Variants in KAZN observed in about 807,000 individuals in gnomAD.
KAZN encodes the protein kazrin.
KAZN carries 40 observed loss-of-function variants against 87.4 expected under a neutral mutation model. That is an observed-to-expected ratio of 0.46 (90% CI 0.36 to 0.60). KAZN has a LOEUF of 0.60. Among genes scored for constraint, KAZN ranks in the 20% least tolerant of loss-of-function variants. The probability of loss-of-function intolerance (pLI) is 0.00; values close to 1 mark genes in which losing one functional copy is unlikely to be tolerated. For synonymous variants in KAZN, 466 were observed against 458.3 expected, an observed-to-expected ratio of 1.02 and a Z score of -0.22; for missense variants, 898 against 1,073.9, an observed-to-expected ratio of 0.84 and a Z score of 2.29.
At chr1:14,744,958 C>T (rs1644219708) in intron 1 of KAZN, among the ~76,000 whole-genome samples, 1 of 152,132 alleles carries the variant, frequency 6.6e-6, no homozygotes, top group African/African-American at 2.4e-5. Flanking sequence ...GATCCTGCAG[C>T]TGACCCAGAA....
intron 1 of KAZN, among the ~76,000 whole-genome samples, chr1:14,049,213 G>A (rs1642204295): frequency 1.3e-5 from 2 of 151,924 alleles, no homozygotes; most frequent in South Asian, 4.1e-4. Flanking sequence ...ACTATTGCAA[G>A]GACAAAAAAA....
At chr1:14,022,121 T>A (rs1444811556) in intron 1 of KAZN, among the ~76,000 whole-genome samples, 1 of 151,962 alleles carries the variant, frequency 6.6e-6, no homozygotes, top group Non-Finnish European at 1.5e-5. Flanking sequence ...TGAGGGTAGG[T>A]GAGGACTGAA....
chr1:14,889,035 C>T (rs1293895267), intron 1 of KAZN, among the ~76,000 whole-genome samples: 5 of 152,182 alleles, frequency 3.3e-5, no homozygotes, highest in African/African-American at 9.7e-5. Flanking sequence ...AAAAACATCT[C>T]ATAGTGTTTT....
chr1:14,060,085 C>T (rs1026106175), intron 1 of KAZN, among the ~76,000 whole-genome samples: 1 of 151,274 alleles, frequency 6.6e-6, no homozygotes, highest in South Asian at 2.1e-4. Context: ...AAGAATGAGC[C>T]TGGGGGCAGT....
chr1:14,620,707 C>G (rs1678629158), intron 1 of KAZN, among the ~76,000 whole-genome samples: 2 of 152,210 alleles, frequency 1.3e-5, no homozygotes, highest in Admixed American at 6.5e-5. Context: ...ATGAGCTCAA[C>G]TCCGAGCCCT....
At chr1:14,046,310 A>G (rs554706394) in intron 1 of KAZN, among the ~76,000 whole-genome samples, 1 of 152,342 alleles carries the variant, frequency 6.6e-6, no homozygotes, top group East Asian at 1.9e-4. Context: ...AATAGGAAAA[A>G]TACATCTGAA....
chr1:14,293,389 C>A (rs1335767405), intron 2 of KAZN, among the ~76,000 whole-genome samples: 1 of 152,162 alleles, frequency 6.6e-6, no homozygotes, highest in Non-Finnish European at 1.5e-5. Flanking sequence ...TGCTTTCTTC[C>A]TCTTCTTCTT....
chr1:14,673,696 G>A (rs1267497824), intron 1 of KAZN, among the ~76,000 whole-genome samples: 1 of 152,184 alleles, frequency 6.6e-6, no homozygotes, highest in South Asian at 2.1e-4. Flanking sequence ...GACTTTGACA[G>A]AAACTTACCA....
chr1:14,631,978 A>G (rs879466037), intron 1 of KAZN, among the ~76,000 whole-genome samples: 1 of 152,242 alleles, frequency 6.6e-6, no homozygotes, highest in Non-Finnish European at 1.5e-5. Context: ...AGTTTGGAGA[A>G]GACAAAATGA....
chr1:14,916,009 C>T (rs545105507), intron 1 of KAZN, among the ~76,000 whole-genome samples: 2 of 152,246 alleles, frequency 1.3e-5, no homozygotes, highest in African/African-American at 2.4e-5. Context: ...TCTGTTTCCT[C>T]ATCTGTAAAG....
chr1:14,543,500 C>A (rs1433051479), intron 2 of KAZN, among the ~76,000 whole-genome samples: 1 of 152,200 alleles, frequency 6.6e-6, no homozygotes, highest in Non-Finnish European at 1.5e-5. Context: ...CTGTCCATCC[C>A]ATGCATTGAG....
rs77614621 is a variant in KAZN at position 14,921,498 on chromosome 1, G to A, written c.227-39186G>A. On this transcript the variant is annotated intron_variant, in intron 1 of 14. Coordinates refer to ENST00000376030, the MANE Select transcript of KAZN (RefSeq NM_201628.3). ...CATGTAAAAATCCATATTCCTAGTA[G>A]TTCTAAACAAACAAAAAAAAGTAGA... 7.2e-3 allele frequency among the ~76,000 whole-genome samples: 1,100 copies of A among 152,188 alleles called. 19 individuals are homozygous for A. The highest frequency in any genetic ancestry group is 0.025 in the African/African-American group (1,046 of 41,514).
intron 2 of KAZN, among the ~76,000 whole-genome samples, chr1:14,313,866 T>A (rs965342359): frequency 1.3e-5 from 2 of 152,140 alleles, no homozygotes; most frequent in Non-Finnish European, 2.9e-5. Context: ...ATAAATAGGA[T>A]GTGATTTCCA....
intron 2 of KAZN, among the ~76,000 whole-genome samples, chr1:14,309,361 T>TA (rs1332794802): frequency 3.9e-5 from 6 of 152,166 alleles, no homozygotes; most frequent in African/African-American, 1.2e-4. Flanking sequence ...TGGGGAATTG[T>TA]AGGTAAATGA....
intron 2 of KAZN, among the ~76,000 whole-genome samples, chr1:14,307,817 C>G (rs891047331): frequency 1.3e-5 from 2 of 152,286 alleles, no homozygotes; most frequent in East Asian, 1.9e-4. Flanking sequence ...GTTCCACTCC[C>G]TACAAATCAT....
intron 2 of KAZN, among the ~76,000 whole-genome samples, chr1:14,452,085 A>T (rs982368809): frequency 6.6e-6 from 1 of 152,048 alleles, no homozygotes; most frequent in African/African-American, 2.4e-5. Context: ...GATTACAGAC[A>T]CGCCCCACCA....
intron 1 of KAZN, among the ~76,000 whole-genome samples, chr1:14,161,459 T>G (rs78887394): frequency 0.031 from 4,653 of 152,306 alleles, 235 homozygotes; most frequent in African/African-American, 0.11. Flanking sequence ...GTAAGATACC[T>G]CAATGCCTTA....
intron 1 of KAZN, among the ~76,000 whole-genome samples, chr1:14,003,856 G>A (rs1020563192): frequency 5.9e-5 from 9 of 151,922 alleles, no homozygotes; most frequent in Non-Finnish European, 1.0e-4. Context: ...TAACCATAAC[G>A]AAAAAAGGAA....
At chr1:14,872,314 T>C (rs566440996) in intron 1 of KAZN, among the ~76,000 whole-genome samples, 9 of 152,350 alleles carry the variant, frequency 5.9e-5, no homozygotes, top group South Asian at 2.1e-4. Context: ...TTTAATATGG[T>C]AGCCACTGGC....
Sources: gnomAD v4.1 joint callset for allele counts (sites outside exome capture counted in the v4.1 genomes callset) on GRCh38, gnomAD v4.1.1 for gene constraint, MANE v1.5 for transcripts, NCBI Gene and HGNC (gene_info 2026-07-23, HGNC 2026-07-21) for gene names.